The following GABRG3 variants were observed in gnomAD, a reference collection of about 807,000 sequenced individuals.
The protein encoded by GABRG3 is gamma-aminobutyric acid type A receptor subunit gamma3.
A neutral mutation model predicts 48.8 loss-of-function variants in GABRG3; 25 were observed. That is an observed-to-expected ratio of 0.51 (90% CI 0.37 to 0.72). The LOEUF (loss-of-function observed/expected upper bound fraction) is 0.72, where lower values mean the gene tolerates loss of function less well. Ranked by LOEUF, GABRG3 falls within the 30% of genes least tolerant of loss-of-function variation. The pLI is 0.00. For missense variants in GABRG3, 394 were observed against 577.9 expected (o/e 0.68, Z 3.26); for synonymous variants, 227 against 217.6 (o/e 1.04, Z -0.38).
At chr15:27,394,953 AT>A (rs1354729304) in intron 5 of GABRG3, among the ~76,000 whole-genome samples, 1 of 151,734 alleles carries the variant, frequency 6.6e-6, no homozygotes, top group East Asian at 1.9e-4. Flanking sequence ...TTTTTATTTT[AT>A]TTGGAATTTG....
intron 5 of GABRG3, among the ~76,000 whole-genome samples, chr15:27,391,950 A>T (rs932712471): frequency 1.3e-5 from 2 of 152,234 alleles, no homozygotes; most frequent in African/African-American, 4.8e-5. Flanking sequence ...GATGAGAATC[A>T]TGTGCTGAAA....
At chr15:27,351,684 G>A (rs139908417) in intron 5 of GABRG3, among the ~76,000 whole-genome samples, 5 of 150,096 alleles carry the variant, frequency 3.3e-5, no homozygotes, top group Admixed American at 6.6e-5. Context: ...GTGTTTGTGT[G>A]TATGGTCTGT....
chr15:27,165,403 T>G (rs1184092592), intron 3 of GABRG3, among the ~76,000 whole-genome samples: 1 of 152,236 alleles, frequency 6.6e-6, no homozygotes, highest in African/African-American at 2.4e-5. Context: ...ATTGAAATGC[T>G]GGAAAATTCT....
chr15:27,274,786 T>TAA (rs1891201843), intron 3 of GABRG3, among the ~76,000 whole-genome samples: 3 of 152,232 alleles, frequency 2.0e-5, no homozygotes, highest in Non-Finnish European at 4.4e-5. Flanking sequence ...TTACTTTTAA[T>TAA]GCCCAAACAA....
At chr15:27,255,129 C>A (rs1459120636) in intron 3 of GABRG3, among the ~76,000 whole-genome samples, 1 of 152,220 alleles carries the variant, frequency 6.6e-6, no homozygotes, top group African/African-American at 2.4e-5. Context: ...CGGCTGCCTC[C>A]TGTGGGCTTC....
At chr15:27,093,434 A>G (rs1437398992) in intron 3 of GABRG3, among the ~76,000 whole-genome samples, 2 of 152,138 alleles carry the variant, frequency 1.3e-5, no homozygotes, top group African/African-American at 4.8e-5. Context: ...AGCTGTCATG[A>G]CATCGTAAGT....
At position 27,359,620 on chromosome 15, in the gene GABRG3, A is replaced by C. The variant is rs146126882; in HGVS notation, c.574+30732A>C. On this transcript the variant is annotated intron_variant, in intron 5 of 9. Coordinates refer to ENST00000615808, the MANE Select transcript of GABRG3 (RefSeq NM_033223.5). Reference sequence around the variant, plus strand: ...ATGATTAAGAACATAACAGAACATAAAATTAAATAAAAAGAAAAGCACCTT... The same window carrying C: ...ATGATTAAGAACATAACAGAACATACAATTAAATAAAAAGAAAAGCACCTT... Among the ~76,000 whole-genome samples the C allele has an allele frequency of 2.9e-3, 435 of 152,358 alleles. 4 individuals are homozygous for C. The highest frequency in any genetic ancestry group is 0.01 in the African/African-American group (423 of 41,588).
At chr15:27,287,128 G>T (rs1267979623) in intron 3 of GABRG3, among the ~76,000 whole-genome samples, 3 of 152,226 alleles carry the variant, frequency 2.0e-5, no homozygotes, top group East Asian at 1.9e-4. Flanking sequence ...GAAGCCCCCA[G>T]TTACCATTGT....
chr15:27,188,400 C>A (rs1159180882), intron 3 of GABRG3, among the ~76,000 whole-genome samples: 1 of 152,190 alleles, frequency 6.6e-6, no homozygotes, highest in Non-Finnish European at 1.5e-5. Flanking sequence ...TGTTTCCTGA[C>A]TTTTTCATGA....
intron 3 of GABRG3, among the ~76,000 whole-genome samples, chr15:27,156,334 AG>A (rs1566949616): frequency 6.6e-6 from 1 of 150,908 alleles, no homozygotes; most frequent in Non-Finnish European, 1.5e-5. Flanking sequence ...AAGAAATAGA[AG>A]TATTCTGTCT....
intron 5 of GABRG3, among the ~76,000 whole-genome samples, chr15:27,370,128 C>T (rs1432276784): frequency 1.3e-5 from 2 of 152,330 alleles, no homozygotes; most frequent in Non-Finnish European, 2.9e-5. Flanking sequence ...AAGCAGCATG[C>T]TTCCATGGAA....
chr15:27,226,244 G>A (rs1271504413), intron 3 of GABRG3, among the ~76,000 whole-genome samples: 6 of 152,102 alleles, frequency 3.9e-5, no homozygotes, highest in African/African-American at 1.4e-4. Context: ...GACTGTCAGG[G>A]CACAGGTCCA....
intron 3 of GABRG3, among the ~76,000 whole-genome samples, chr15:27,057,539 G>A (rs978506684): frequency 5.3e-5 from 8 of 152,106 alleles, no homozygotes; most frequent in African/African-American, 1.9e-4. Context: ...TACATCTACG[G>A]GGCTGCACGA....
rs57903886 is a variant in GABRG3 at position 27,062,434 on chromosome 15, T to TAAAAAAAAAAAAAAAAAA, written c.270+35620_270+35637dup. On this transcript the variant is annotated intron_variant, in intron 3 of 9. Transcript: ENST00000615808. ...CAACATGGTGAAACTCCATCTCTAC[T>TAAAAAAAAAAAAAAAAAA]AAAAAAAAAAAAAAAAAAAAAAAAT... is the stretch of plus-strand genomic sequence containing the variant. Among the ~76,000 whole-genome samples, 57 of 32,848 alleles carry TAAAAAAAAAAAAAAAAAA rather than the reference T, an allele frequency of 1.7e-3. 9 individuals carry two copies. Among genetic ancestry groups the TAAAAAAAAAAAAAAAAAA allele is most frequent in the Admixed American group, 4.7e-3 (10 of 2,120 alleles). 21.5% of individuals were successfully genotyped at this position (32,848 alleles called of 152,430 possible).
At position 27,116,333 on chromosome 15, in the gene GABRG3, A is replaced by G. The variant is rs150195385; in HGVS notation, c.270+89512A>G. On this transcript the variant is annotated intron_variant, in intron 3 of 9. Transcript: ENST00000615808. ...GTTCCTTCTTCATTTTTTCCGTAACAGTTACAATAATAGCCTTTATGATTT... is the reference window on the plus strand; with the variant it reads ...GTTCCTTCTTCATTTTTTCCGTAACGGTTACAATAATAGCCTTTATGATTT... Among the ~76,000 whole-genome samples, 147 of 152,334 alleles carry G rather than the reference A, an allele frequency of 9.6e-4. 2 individuals are homozygous for G. The East Asian group carries it at 0.024, about 24-fold the overall frequency.
chr15:27,180,175 A>G lies in GABRG3; in HGVS notation c.271-146634A>G, dbSNP rs1466275277. On this transcript the variant is annotated intron_variant, in intron 3 of 9. Transcript: ENST00000615808. The surrounding 1 kb of genome is among the most constrained non-coding windows in gnomAD (Gnocchi z 4.2). ...CCCGGGGGGTGAGATACATAAATTG[A>G]GCCTGCCCATAATGAACACACACTT... Among the ~76,000 whole-genome samples, 1 of 152,152 alleles carries G rather than the reference A, an allele frequency of 6.6e-6. No individual in the cohort carries two copies. The highest frequency in any genetic ancestry group is 1.5e-5 in the Non-Finnish European group (1 of 68,028).
chr15:26,995,046 G>A (rs1352648214), intron 2 of GABRG3, among the ~76,000 whole-genome samples: 2 of 152,000 alleles, frequency 1.3e-5, no homozygotes, highest in East Asian at 3.8e-4. Context: ...TGAAAGTGGA[G>A]AATTAAGGTC....
chr15:26,998,557 ACTC>A (rs1895383323), intron 2 of GABRG3, among the ~76,000 whole-genome samples: 1 of 151,908 alleles, frequency 6.6e-6, no homozygotes, highest in East Asian at 1.9e-4. Flanking sequence ...CCTGGAATAA[ACTC>A]CCCCTAACTA....
chr15:27,177,512 G>A (rs1027296214), intron 3 of GABRG3, among the ~76,000 whole-genome samples: 20 of 152,204 alleles, frequency 1.3e-4, no homozygotes, highest in Non-Finnish European at 2.1e-4. Flanking sequence ...CCCAGAGGGG[G>A]TCAGTTTTGG....
Sources: allele counts gnomAD v4.1 joint callset (sites outside exome capture counted in the v4.1 genomes callset), GRCh38; gene constraint gnomAD v4.1.1; non-coding constraint Gnocchi (gnomAD v3.1); transcripts MANE v1.5; gene names NCBI Gene and HGNC (gene_info 2026-07-23, HGNC 2026-07-21).